The following SHROOM4 variants were observed in gnomAD, a reference collection of about 807,000 sequenced individuals.
SHROOM4 encodes the protein shroom family member 4, also known as protein Shroom4.
In SHROOM4, 17 loss-of-function variants were observed where a neutral mutation model predicts 80.3. The observed-to-expected ratio is 0.21, with a 90% CI of 0.14 to 0.32. SHROOM4 has a LOEUF of 0.32. SHROOM4 is among the 10% of genes least tolerant of loss of function. The probability of loss-of-function intolerance (pLI) is 1.00; values close to 1 mark genes in which losing one functional copy is unlikely to be tolerated. For missense variants in SHROOM4, 993 were observed against 1,140.3 expected (o/e 0.87, Z 1.86); for synonymous variants, 400 against 437.5 (o/e 0.91, Z 1.07).
rs1055896722 is a variant in SHROOM4 at position 50,589,199 on chromosome X, G to A, written c.*7496C>T. ...GTAAATATTGTACCCTTTGGAGTCAGGAATGAAGTACATGCTCACCATCAA... is the reference window on the plus strand; with the variant it reads ...GTAAATATTGTACCCTTTGGAGTCAAGAATGAAGTACATGCTCACCATCAA... On this transcript the variant is annotated 3_prime_UTR_variant, in exon 9 of 9. Coordinates refer to ENST00000376020, the MANE Select transcript of SHROOM4 (RefSeq NM_020717.5). 1.5e-4 allele frequency among the ~76,000 whole-genome samples: 17 copies of A among 111,524 alleles called. No individual in the cohort carries two copies. Among genetic ancestry groups the A allele is most frequent in the African/African-American group, 5.5e-4 (17 of 30,639 alleles).
chrX:50,675,681 T>G (rs1238672615), intron 2 of SHROOM4, among the ~76,000 whole-genome samples: 1 of 111,340 alleles, frequency 9.0e-6, no homozygotes, highest in Non-Finnish European at 1.9e-5. Context: ...GGCATCAGTA[T>G]TCAAATAGTT....
downstream of SHROOM4, among the ~76,000 whole-genome samples, chrX:50,582,888 T>A (rs5915274): frequency 9.2e-6 from 1 of 109,168 alleles, no homozygotes; most frequent in Non-Finnish European, 1.9e-5. Context: ...ATAATTTGTA[T>A]TAACTACCAA....
At chrX:50,724,360 A>C (rs1934198479) in intron 1 of SHROOM4, among the ~76,000 whole-genome samples, 2 of 113,169 alleles carry the variant, frequency 1.8e-5, no homozygotes, top group African/African-American at 6.4e-5. Context: ...TTTCTAATGT[A>C]CAGAACTGTA....
rs1490931234 is a variant in SHROOM4, at chrX:50,590,146, T to C, written c.*6549A>G. ...CCCTAATCCCCAATGTGATGGCATA[T>C]GGAGGTGGGGCCTTTGAGAGGTAAA... is the stretch of plus-strand genomic sequence containing the variant. On this transcript the variant is annotated 3_prime_UTR_variant, in exon 9 of 9. Transcript: ENST00000376020. Among the ~76,000 whole-genome samples, 2 of 111,794 alleles carry C rather than the reference T, an allele frequency of 1.8e-5. No homozygotes were observed. The highest frequency in any genetic ancestry group is 6.5e-5 in the African/African-American group (2 of 30,741).
intron 2 of SHROOM4, among the ~76,000 whole-genome samples, chrX:50,671,358 A>G (rs942657992): frequency 6.2e-5 from 7 of 112,054 alleles, no homozygotes; most frequent in Non-Finnish European, 1.3e-4. Flanking sequence ...GAGGCACTGA[A>G]TTCTCGTTTT....
At chrX:50,603,716 C>A (rs966242976) in intron 6 of SHROOM4, among the ~76,000 whole-genome samples, 2 of 111,887 alleles carry the variant, frequency 1.8e-5, no homozygotes, top group African/African-American at 6.5e-5. Context: ...AGAGCCCCAG[C>A]CCATGAAATA....
At chrX:50,788,563 G>A (rs907305478) in intron 1 of SHROOM4, among the ~76,000 whole-genome samples, 7 of 103,835 alleles carry the variant, frequency 6.7e-5, no homozygotes, top group Non-Finnish European at 1.2e-4. Flanking sequence ...AGCCGAGGTC[G>A]AGCCACTGCA....
At position 50,596,582 on chromosome X, in the gene SHROOM4, G is replaced by T; in HGVS notation, c.*113C>A. Reference sequence around the variant, plus strand: ...GTAGTGAGAGACATCCAGGGTAGAGGGCTGGAACAAACTGCTAATTGCTAT... The same window carrying T: ...GTAGTGAGAGACATCCAGGGTAGAGTGCTGGAACAAACTGCTAATTGCTAT... On this transcript the variant is annotated 3_prime_UTR_variant, in exon 9 of 9. Transcript: ENST00000376020. 2.0e-6 allele frequency: 2 copies of T among 1,013,043 alleles called. No homozygotes were observed. The highest frequency in any genetic ancestry group is 2.7e-6 in the Non-Finnish European group (2 of 733,827). The allele number at this position is 1,013,043 out of a possible 1,213,427, so 83.5% of individuals were successfully genotyped here.
intron 2 of SHROOM4, among the ~76,000 whole-genome samples, chrX:50,661,009 T>C (rs1932491556): frequency 9.0e-6 from 1 of 111,051 alleles, no homozygotes; most frequent in Non-Finnish European, 1.9e-5. Context: ...TTTGTTGGCA[T>C]TTTCCTGTTA....
chrX:50,760,315 T>G (rs1935125698), intron 1 of SHROOM4, among the ~76,000 whole-genome samples: 1 of 99,820 alleles, frequency 1.0e-5, no homozygotes, highest in South Asian at 5.1e-4. Flanking sequence ...AAAATATTTA[T>G]TTTTTATCTC....
chrX:50,660,404 C>G (rs782003270), intron 2 of SHROOM4, among the ~76,000 whole-genome samples: 1 of 111,325 alleles, frequency 9.0e-6, no homozygotes, highest in Non-Finnish European at 1.9e-5. Context: ...GCCTGCCCCC[C>G]AAAAAATGTA....
chrX:50,813,608 G>A (rs1400310072), intron 1 of SHROOM4, among the ~76,000 whole-genome samples: 4 of 112,373 alleles, frequency 3.6e-5, no homozygotes, highest in African/African-American at 1.3e-4. Flanking sequence ...CCAAACTGAG[G>A]GAAGTAGCCG....
At chrX:50,742,508 C>T (rs1934683527) in intron 1 of SHROOM4, among the ~76,000 whole-genome samples, 1 of 110,363 alleles carries the variant, frequency 9.1e-6, no homozygotes, top group African/African-American at 3.3e-5. Flanking sequence ...TTTGCAGTGA[C>T]AGTTTTTGAC....
At chrX:50,641,652 GC>G (rs1931603983) in intron 2 of SHROOM4, among the ~76,000 whole-genome samples, 1 of 106,536 alleles carries the variant, frequency 9.4e-6, no homozygotes, top group South Asian at 4.2e-4. Flanking sequence ...CATTCTTGTC[GC>G]CAAGCCTGGA....
intron 1 of SHROOM4, among the ~76,000 whole-genome samples, chrX:50,764,064 T>C (rs1293023301): frequency 8.9e-6 from 1 of 112,079 alleles, no homozygotes; most frequent in East Asian, 2.8e-4. Context: ...AGTTTTTCCA[T>C]TCTCTGTTCC....
At chrX:50,669,318 CTT>C (rs782320189) in intron 2 of SHROOM4, among the ~76,000 whole-genome samples, 15 of 111,991 alleles carry the variant, frequency 1.3e-4, no homozygotes, top group African/African-American at 4.2e-4. Flanking sequence ...TCTCTCCTCT[CTT>C]CTCTTTCAGA....
intron 1 of SHROOM4, among the ~76,000 whole-genome samples, chrX:50,804,013 C>A (rs1602528226): frequency 8.9e-6 from 1 of 111,888 alleles, no homozygotes; most frequent in South Asian, 3.8e-4. Context: ...AGCTGCCCTG[C>A]CATTTCACAT....
At chrX:50,584,316 T>A (rs782799197), downstream of SHROOM4, among the ~76,000 whole-genome samples, 1 of 112,549 alleles carries the variant, frequency 8.9e-6, no homozygotes, top group South Asian at 3.7e-4. Context: ...TCTTTAAATA[T>A]CAAAGCCAAA....
chrX:50,750,376 C>T (rs1390465887), intron 1 of SHROOM4, among the ~76,000 whole-genome samples: 1 of 112,055 alleles, frequency 8.9e-6, no homozygotes, highest in East Asian at 2.8e-4. Context: ...TCTCATGCCT[C>T]AGCCTCCCCC....
Sources: allele counts gnomAD v4.1 joint callset (sites outside exome capture counted in the v4.1 genomes callset), GRCh38; gene constraint gnomAD v4.1.1; transcripts MANE v1.5; gene names NCBI Gene and HGNC (gene_info 2026-07-23, HGNC 2026-07-21).